ALAS2: variants seen among roughly 807,000 people sequenced by gnomAD.
ALAS2 encodes the protein 5-aminolevulinate synthase, erythroid-specific, mitochondrial.
ALAS2 carries 3 observed loss-of-function variants against 33.7 expected under a neutral mutation model. That is an observed-to-expected ratio of 0.09 (90% CI 0.04 to 0.23). The LOEUF (loss-of-function observed/expected upper bound fraction) is 0.23, where lower values mean the gene tolerates loss of function less well. Among genes scored for constraint, ALAS2 ranks in the 10% least tolerant of loss-of-function variants. The pLI, the probability that ALAS2 is intolerant of heterozygous loss-of-function variation, is 1.00. For missense variants in ALAS2, 304 were observed against 475.1 expected, an observed-to-expected ratio of 0.64 and a Z score of 3.35; for synonymous variants, 191 against 177.3, an observed-to-expected ratio of 1.08 and a Z score of -0.61.
chrX:55,015,378 C>G (rs1055697479), intron 8 of ALAS2, among the ~76,000 whole-genome samples, 200 bp downstream of exon 8: 3 of 111,544 alleles, frequency 2.7e-5, no homozygotes, highest in Non-Finnish European at 5.6e-5. Flanking sequence ...AGTTCAAGGT[C>G]TTTTCAAAAA....
At chrX:55,018,030 G>A (rs763817854) in intron 6 of ALAS2, among the ~76,000 whole-genome samples, 2 of 112,023 alleles carry the variant, frequency 1.8e-5, no homozygotes, top group Non-Finnish European at 3.8e-5. Context: ...CCCAGGGAAT[G>A]TTTGTTGACT....
intron 1 of ALAS2, among the ~76,000 whole-genome samples, chrX:55,027,376 A>G (rs12847773): frequency 9.1e-6 from 1 of 110,463 alleles, no homozygotes; most frequent in Non-Finnish European, 1.9e-5. Context: ...AGAGAAAATG[A>G]CAAGATCAAA....
chrX:55,017,900 C>G (rs1296050579), intron 6 of ALAS2, among the ~76,000 whole-genome samples: 2 of 112,084 alleles, frequency 1.8e-5, no homozygotes, highest in Non-Finnish European at 1.9e-5. Context: ...CTGGTCTAGC[C>G]TCTGACTGCC....
intron 10 of ALAS2, 54 bp from the exon 11 acceptor site, chrX:55,009,397 A>G: frequency 2.7e-6 from 3 of 1,117,308 alleles, no homozygotes; most frequent in Non-Finnish European, 3.6e-6. Context: ...AGATCTTCCA[A>G]ATCTGTCACA....
chrX:55,027,828 G>A, intron 1 of ALAS2: 1 of 1,203,630 alleles, frequency 8.3e-7, no homozygotes, highest in South Asian at 1.8e-5. Flanking sequence ...AGCAGCCTGG[G>A]TTGGTATGTG....
In ALAS2 at chrX:55,013,613, A is replaced by G; in HGVS notation, c.1473T>C (p.Asp491=). Residue 491 remains aspartate, a synonymous_variant, in exon 10 of 11, where the codon GAT becomes GAC. Coordinates refer to ENST00000650242, the MANE Select transcript of ALAS2 (RefSeq NM_000032.5). ...GNAALNSKLC[D]LLLSKHGIYV... is the part of the protein sequence containing the mutation. ...AGATGCCATGCTTGGAGAGCAGGAGATCACAGAGCTTGCTGTTGAGTGCTG... is the reference window on the plus strand; with the variant it reads ...AGATGCCATGCTTGGAGAGCAGGAGGTCACAGAGCTTGCTGTTGAGTGCTG... 1.7e-6 allele frequency: 2 copies of G among 1,211,610 alleles called. No individual in the cohort carries two copies. Among genetic ancestry groups the G allele is most frequent in the Non-Finnish European group, 1.1e-6 (1 of 895,503 alleles).
intron 7 of ALAS2, among the ~76,000 whole-genome samples, chrX:55,017,137 A>G (rs1935715075): frequency 8.9e-6 from 1 of 112,159 alleles, no homozygotes; most frequent in Non-Finnish European, 1.9e-5. Context: ...TTGCTGAGCC[A>G]CTCAAGATGA....
chrX:55,019,574 C>T (rs932097149), intron 6 of ALAS2, among the ~76,000 whole-genome samples: 35 of 111,248 alleles, frequency 3.1e-4, no homozygotes, highest in African/African-American at 1.1e-3. Context: ...TTGTCAGAGA[C>T]CATGGAGAAC....
In ALAS2 at chrX:55,014,879, C is replaced by T; in HGVS notation, c.1305G>A (p.Val435=). The change falls in exon 9 of 11, where the codon GTG becomes GTA. Residue 435 remains valine, a synonymous_variant. Coordinates refer to ENST00000650242, the MANE Select transcript of ALAS2 (RefSeq NM_000032.5). ...PMVLSGALES[V]RLLKGEEGQA... ...GGCCCTCCTCTCCCTTGAGCAGCCG[C>T]ACAGATTCTAGAGCTCCAGAGAGCA... 1 of 1,208,138 alleles carries T rather than the reference C, an allele frequency of 8.3e-7. No homozygotes were observed. The highest frequency in any genetic ancestry group is 1.1e-6 in the Non-Finnish European group (1 of 893,611).
chrX:55,014,198 A>G (rs1299852974), intron 9 of ALAS2, among the ~76,000 whole-genome samples: 1 of 112,065 alleles, frequency 8.9e-6, no homozygotes, highest in Non-Finnish European at 1.9e-5. Flanking sequence ...GTAAATGCTC[A>G]TATTGAGGAT....
At chrX:55,030,461 TGCTGTCAG>T (rs1935976817) in intron 1 of ALAS2, among the ~76,000 whole-genome samples, 1 of 111,553 alleles carries the variant, frequency 9.0e-6, no homozygotes, top group Non-Finnish European at 1.9e-5. Flanking sequence ...CACTGAGCTC[TGCTGTCAG>T]CCCAGCAGGT....
rs1227075829 is a variant in ALAS2 at position 55,024,131 on chromosome X, G to A, written c.305-264C>T. Among the ~76,000 whole-genome samples, 7 of 112,034 alleles carry A rather than the reference G, an allele frequency of 6.2e-5. No homozygotes were observed. The South Asian group carries it at 1.1e-3, about 18-fold the overall frequency. On this transcript the variant is annotated intron_variant, in intron 3 of 10. Transcript: ENST00000650242. ...TCCCTTGGCTCAGGTAACTGGAGCA[G>A]CCACCCTGGGTCCTGCATTTAGAAA...
At chrX:55,015,835 T>G in intron 7 of ALAS2, 93 bp from the exon 8 acceptor site, 1 of 1,000,854 alleles carries the variant, frequency 1.0e-6, no homozygotes, top group Non-Finnish European at 1.4e-6. Flanking sequence ...TACTTTGGGT[T>G]GGAAAAGGGT....
At chrX:55,023,681 C>T (rs2146724761) in intron 4 of ALAS2, 76 bp downstream of exon 4, 2 of 851,910 alleles carry the variant, frequency 2.3e-6, no homozygotes, top group South Asian at 2.1e-5. Context: ...TGTACTGTTT[C>T]CCCTACTGTG....
At chrX:55,023,661 A>T in intron 4 of ALAS2, 96 bp downstream of exon 4, 3 of 740,728 alleles carry the variant, frequency 4.1e-6, no homozygotes, top group Non-Finnish European at 6.2e-6. Context: ...CTTTGGTTCC[A>T]AGGCCCTTCT....
In ALAS2 at chrX:55,014,951, G is replaced by C. The variant is rs1465598337; in HGVS notation, c.1233C>G (p.Arg411=). The stretch of plus-strand genomic sequence containing the variant: ...TAAAGATGAAGCCTGCAGCATAGGA[G>C]CGCACCATGTCCACCAAGTCACGGG... The part of the protein sequence containing the change: ...ASTRDLVDMV[R]SYAAGFIFTT... Residue 411 remains arginine, a synonymous_variant, in exon 9 of 11, where the codon CGC becomes CGG. Transcript: ENST00000650242. The C allele has an allele frequency of 1.2e-5, 15 of 1,208,903 alleles. No individual in the cohort carries two copies. The highest frequency in any genetic ancestry group is 1.7e-5 in the Non-Finnish European group (15 of 894,451).
intron 1 of ALAS2, among the ~76,000 whole-genome samples, chrX:55,029,953 A>AC (rs1327950216): frequency 2.3e-5 from 1 of 44,277 alleles, no homozygotes; most frequent in Non-Finnish European, 4.2e-5. Flanking sequence ...CTTGTCCCCC[A>AC]CCCCCCCACC....
intron 1 of ALAS2, among the ~76,000 whole-genome samples, chrX:55,029,410 A>C (rs1935951789): frequency 1.8e-5 from 2 of 112,393 alleles, no homozygotes; most frequent in African/African-American, 3.2e-5. Flanking sequence ...AATCCCAAAA[A>C]GATTAAGTAA....
At chrX:55,027,147 G>A (rs1205828438) in intron 1 of ALAS2, among the ~76,000 whole-genome samples, 1 of 111,084 alleles carries the variant, frequency 9.0e-6, no homozygotes, top group Admixed American at 9.6e-5. Context: ...GGGCACGAAA[G>A]GGACATGAGG....
Sources: gnomAD v4.1 joint callset for allele counts (sites outside exome capture counted in the v4.1 genomes callset) on GRCh38, gnomAD v4.1.1 for gene constraint, MANE v1.5 for transcripts, NCBI Gene and HGNC (gene_info 2026-07-23, HGNC 2026-07-21) for gene names.